The following CFAP46 variants were observed in gnomAD, a reference collection of about 807,000 sequenced individuals.
CFAP46 encodes cilia- and flagella-associated protein 46.
A neutral mutation model predicts 325.7 loss-of-function variants in CFAP46; 245 were observed. The ratio of observed to expected loss-of-function variants is 0.75; its 90% CI spans 0.68 to 0.84. The LOEUF (loss-of-function observed/expected upper bound fraction) is 0.84. Ranked by LOEUF, CFAP46 falls within the 40% of genes least tolerant of loss-of-function variation. CFAP46 has a pLI of 0.00. For synonymous variants in CFAP46, 1,523 were observed against 1,495.9 expected, an observed-to-expected ratio of 1.02 and a Z score of -0.42; for missense variants, 3,346 against 3,543.0, an observed-to-expected ratio of 0.94 and a Z score of 1.41.
At chr10:132,935,936 TCGG>T (rs1282687503) in intron 7 of CFAP46, among the ~76,000 whole-genome samples, 4 of 111,806 alleles carry the variant, frequency 3.6e-5, no homozygotes, top group South Asian at 3.7e-4. Context: ...CTCACTCCCC[TCGG>T]CACCCAAACA....
At chr10:132,922,297 T>C (rs1040091857) in intron 12 of CFAP46, 73 bp from the exon 13 acceptor site, 2 of 1,506,632 alleles carry the variant, frequency 1.3e-6, no homozygotes, top group Non-Finnish European at 1.8e-6. Flanking sequence ...TTCTGGAGCC[T>C]CCTGGCCTTT....
chr10:132,936,162 T>C (rs1357953884), intron 7 of CFAP46, among the ~76,000 whole-genome samples: 69 of 28,404 alleles, frequency 2.4e-3, no homozygotes, highest in Admixed American at 3.7e-3. Context: ...GGCCCCCAAA[T>C]ACACTGTGAT....
Position 132,817,119 on chromosome 10 carries a change from C to T in CFAP46, c.7118-2205G>A, listed in dbSNP as rs1399906747. The stretch of plus-strand genomic sequence containing the variant: ...GTGGTAAAATCTCCCAGCGTTGGGG[C>T]TGGCCAACGGCTGCACCCCGCGGTT... On this transcript the variant is annotated intron_variant, in intron 50 of 57. Coordinates refer to ENST00000368586, the MANE Select transcript of CFAP46 (RefSeq NM_001200049.3). The surrounding 1 kb of genome is among the most constrained non-coding windows in gnomAD (Gnocchi z 4.4). Among the ~76,000 whole-genome samples, 1 of 152,152 alleles carries T rather than the reference C, an allele frequency of 6.6e-6. No individual in the cohort carries two copies. The highest frequency in any genetic ancestry group is 1.5e-5 in the Non-Finnish European group (1 of 68,042).
Position 132,925,099 on chromosome 10 carries a change from G to A in CFAP46, c.1066-213C>T, listed in dbSNP as rs536168118. Among the ~76,000 whole-genome samples, 7 of 152,356 alleles carry A rather than the reference G, an allele frequency of 4.6e-5. No homozygotes were observed. The East Asian group carries it at 5.8e-4, about 13-fold the overall frequency. On this transcript the variant is annotated intron_variant, in intron 10 of 57. Coordinates refer to ENST00000368586, the MANE Select transcript of CFAP46 (RefSeq NM_001200049.3). ...AGATATTACATGCAGGAGGCTTGGCGGTGCCCACACATCGTGGCTGCGCCC... is the reference window on the plus strand; with the variant it reads ...AGATATTACATGCAGGAGGCTTGGCAGTGCCCACACATCGTGGCTGCGCCC...
At chr10:132,909,301 T>G in intron 20 of CFAP46, 57 bp from the exon 21 acceptor site, 2 of 1,226,780 alleles carry the variant, frequency 1.6e-6, no homozygotes, top group Non-Finnish European at 2.3e-6. Flanking sequence ...GAGTCTGGAA[T>G]ATGCGTGAAT....
intron 27 of CFAP46, among the ~76,000 whole-genome samples, chr10:132,881,699 C>A (rs538492431): frequency 1.6e-4 from 25 of 152,244 alleles, no homozygotes; most frequent in African/African-American, 6.0e-4. Context: ...CTGCACCACA[C>A]CCTCCCCTCC....
intron 50 of CFAP46, among the ~76,000 whole-genome samples, chr10:132,825,315 G>A (rs73391213): frequency 0.052 from 7,962 of 152,080 alleles, 460 homozygotes; most frequent in African/African-American, 0.14. Flanking sequence ...GATGTGTGCC[G>A]TGTGCACTGA....
At chr10:132,819,199 A>G (rs1847751874) in intron 50 of CFAP46, among the ~76,000 whole-genome samples, 1 of 152,246 alleles carries the variant, frequency 6.6e-6, no homozygotes, top group South Asian at 2.1e-4. Flanking sequence ...TCAACTATCA[A>G]GTGAGAGATC....
At chr10:132,879,708 C>G (rs1284295318) in intron 28 of CFAP46, 77 bp from the exon 29 acceptor site, 2 of 1,394,086 alleles carry the variant, frequency 1.4e-6, no homozygotes, top group East Asian at 2.6e-5. Flanking sequence ...CCTTCCCTGC[C>G]CGAGGCTGTG....
At chr10:132,929,914 G>A (rs1849867455) in intron 8 of CFAP46, 110 bp from the exon 9 acceptor site, 2 of 763,404 alleles carry the variant, frequency 2.6e-6, no homozygotes, top group Non-Finnish European at 4.2e-6. Context: ...ATAAAGGTAG[G>A]ATAAGAAATA....
chr10:132,907,301 C>T (rs1202926316), intron 22 of CFAP46, among the ~76,000 whole-genome samples: 1 of 152,190 alleles, frequency 6.6e-6, no homozygotes, highest in African/African-American at 2.4e-5. Flanking sequence ...ACAATAGCAA[C>T]AGATGGAAAA....
intron 50 of CFAP46, among the ~76,000 whole-genome samples, chr10:132,819,166 G>A (rs889831934): frequency 1.1e-4 from 16 of 152,076 alleles, no homozygotes; most frequent in South Asian, 4.2e-4. Context: ...TCATCAGAAC[G>A]AATAAAATAC....
chr10:132,888,945 C>T (rs1259171579), intron 25 of CFAP46, among the ~76,000 whole-genome samples: 1 of 152,158 alleles, frequency 6.6e-6, no homozygotes, highest in African/African-American at 2.4e-5. Context: ...GTGCTGCTTG[C>T]GGGTCTCTGG....
At position 132,885,190 on chromosome 10, in the gene CFAP46, C is replaced by G; in HGVS notation, c.3540G>C (p.Leu1180Phe). 1 of 1,550,510 alleles carries G rather than the reference C, an allele frequency of 6.4e-7. No homozygotes were observed. The highest frequency in any genetic ancestry group is 8.7e-7 in the Non-Finnish European group (1 of 1,146,994). The change falls in exon 27 of 58, where the codon TTG (leucine) becomes TTC (phenylalanine). Residue 1180 changes from leucine (L) to phenylalanine (F), a missense_variant. Coordinates refer to ENST00000368586, the MANE Select transcript of CFAP46 (RefSeq NM_001200049.3). ...GGGCCAGGCGGTGCCACATGCGCGC[C>G]AAGTAGTCCTCACTCTCGGCCTTGA... The part of the protein sequence containing the change: ...QKFKAESEDY[L>F]ARMWHRLALN...
At chr10:132,942,394 G>T in intron 1 of CFAP46, 42 bp downstream of exon 1, 1 of 1,363,326 alleles carries the variant, frequency 7.3e-7, no homozygotes, top group Non-Finnish European at 9.4e-7. Context: ...GGCGGGTCCC[G>T]GGGCCTCCCC....
At position 132,859,052 on chromosome 10, in the gene CFAP46, G is replaced by A; in HGVS notation, c.5375+19C>T. On this transcript the variant is annotated intron_variant, in intron 38 of 57. Transcript: ENST00000368586. ...GAGAAGCAGTGACTCCCGTGCAGGG[G>A]TCGTGGAGGCAGCCTTACCTCTTGA... 2 of 1,546,120 alleles carry A rather than the reference G, an allele frequency of 1.3e-6. No individual in the cohort carries two copies. Among genetic ancestry groups the A allele is most frequent in the Non-Finnish European group, 1.7e-6 (2 of 1,144,468 alleles).
At chr10:132,898,765 C>T (rs956475106) in intron 24 of CFAP46, 194 bp downstream of exon 24, 9 of 724,594 alleles carry the variant, frequency 1.2e-5, no homozygotes, top group African/African-American at 7.0e-5. Context: ...GTCTGAGCAC[C>T]GAGTCCAGCA....
At chr10:132,935,055 C>G (rs1449032201) in intron 7 of CFAP46, among the ~76,000 whole-genome samples, 193 bp from the exon 8 acceptor site, 1 of 152,132 alleles carries the variant, frequency 6.6e-6, no homozygotes, top group East Asian at 1.9e-4. Flanking sequence ...CTCCATGATG[C>G]CCGGCCTTCC....
chr10:132,921,211 C>T (rs543704863), intron 13 of CFAP46, among the ~76,000 whole-genome samples: 102 of 152,320 alleles, frequency 6.7e-4, no homozygotes, highest in African/African-American at 2.3e-3. Context: ...TGAAAGCCGC[C>T]GGCTGCTGGG....
Sources: allele counts gnomAD v4.1 joint callset (sites outside exome capture counted in the v4.1 genomes callset), GRCh38; gene constraint gnomAD v4.1.1; non-coding constraint Gnocchi (gnomAD v3.1); transcripts MANE v1.5; gene names NCBI Gene and HGNC (gene_info 2026-07-23, HGNC 2026-07-21).